The following PRKN variants were observed in gnomAD, a reference collection of about 807,000 sequenced individuals.
PRKN encodes the protein E3 ubiquitin-protein ligase parkin.
In PRKN, 56 loss-of-function variants were observed where a neutral mutation model predicts 59.5. That is an observed-to-expected ratio of 0.94 (90% CI 0.76 to 1.18). PRKN has a LOEUF of 1.18. Ranked by LOEUF, PRKN falls within the 50% of genes most tolerant of loss-of-function variation. PRKN has a pLI of 0.00. For missense variants in PRKN, 657 were observed against 596.4 expected (o/e 1.10, Z -1.06); for synonymous variants, 250 against 222.1 (o/e 1.13, Z -1.12).
Position 161,895,520 on chromosome 6 carries a change from C to CTCTTTTTCA in PRKN, c.734+77781_734+77782insTGAAAAAGA, listed in dbSNP as rs1416297387. 1.4e-3 allele frequency among the ~76,000 whole-genome samples: 184 copies of CTCTTTTTCA among 127,660 alleles called. 5 individuals carry two copies. The highest frequency in any genetic ancestry group is 7.5e-3 in the Middle Eastern group (2 of 266). The allele number at this position is 127,660 out of a possible 152,430, so 83.7% of individuals were successfully genotyped here. A position where few individuals can be genotyped will look rare whatever the true frequency, so the allele number is the denominator to read the frequency against. The stretch of plus-strand genomic sequence containing the variant: ...TACGCCCACCCCACCTGCCGTTATG[C>CTCTTTTTCA]CCCCCAGTGAGGCTTCTGAGATTCA... On this transcript the variant is annotated intron_variant, in intron 6 of 11. Transcript: ENST00000366898.
chr6:161,868,952 T>C (rs1224232894), intron 6 of PRKN, among the ~76,000 whole-genome samples: 2 of 152,182 alleles, frequency 1.3e-5, no homozygotes, highest in African/African-American at 4.8e-5. Flanking sequence ...TTAAAAATTG[T>C]TATGGTCCAG....
At chr6:161,394,354 ACCC>A (rs1786651540) in intron 9 of PRKN, among the ~76,000 whole-genome samples, 1 of 152,170 alleles carries the variant, frequency 6.6e-6, no homozygotes, top group African/African-American at 2.4e-5. Context: ...TCTGTAGAGT[ACCC>A]ACGTTCCTTT....
intron 1 of PRKN, among the ~76,000 whole-genome samples, chr6:162,618,194 G>A (rs1392421865): frequency 6.6e-6 from 1 of 152,030 alleles, no homozygotes; most frequent in African/African-American, 2.4e-5. Flanking sequence ...GAATAGGAAT[G>A]ATATTCAGGA....
intron 7 of PRKN, among the ~76,000 whole-genome samples, chr6:161,574,705 A>G (rs957083932): frequency 6.6e-6 from 1 of 152,212 alleles, no homozygotes; most frequent in Non-Finnish European, 1.5e-5. Flanking sequence ...AGACTATAAT[A>G]GAAGTGTTTG....
At chr6:162,542,056 T>A (rs1480222821) in intron 1 of PRKN, among the ~76,000 whole-genome samples, 1 of 152,066 alleles carries the variant, frequency 6.6e-6, no homozygotes, top group Non-Finnish European at 1.5e-5. Flanking sequence ...ACTGCAGAAG[T>A]GATATTACAG....
chr6:161,438,815 A>C (rs1299959029), intron 9 of PRKN, among the ~76,000 whole-genome samples: 1 of 152,292 alleles, frequency 6.6e-6, no homozygotes, highest in East Asian at 1.9e-4. Flanking sequence ...GCTTAGGAAA[A>C]TTAACATACA....
intron 1 of PRKN, among the ~76,000 whole-genome samples, chr6:162,680,961 A>T (rs1009286415): frequency 1.3e-5 from 2 of 152,200 alleles, no homozygotes; most frequent in African/African-American, 4.8e-5. Context: ...TTCAAGCCTC[A>T]CTTTCAAGTA....
At chr6:161,693,484 C>T (rs1450569430) in intron 7 of PRKN, among the ~76,000 whole-genome samples, 3 of 152,018 alleles carry the variant, frequency 2.0e-5, no homozygotes, top group Non-Finnish European at 2.9e-5. Context: ...AAAGAGATAC[C>T]CAAAATTATG....
chr6:162,198,961 A>G (rs183715339), intron 4 of PRKN, among the ~76,000 whole-genome samples: 6 of 152,306 alleles, frequency 3.9e-5, no homozygotes, highest in African/African-American at 1.4e-4. Flanking sequence ...ATATTATTAA[A>G]TGAGAAATCC....
At chr6:162,622,039 C>G (rs577439288) in intron 1 of PRKN, among the ~76,000 whole-genome samples, 1 of 152,196 alleles carries the variant, frequency 6.6e-6, no homozygotes, top group African/African-American at 2.4e-5. Context: ...TCTTGAACTC[C>G]TAACCTCAAG....
intron 1 of PRKN, among the ~76,000 whole-genome samples, chr6:162,510,038 G>A (rs1777525885): frequency 6.6e-6 from 1 of 152,184 alleles, no homozygotes; most frequent in Non-Finnish European, 1.5e-5. Flanking sequence ...AAGGAACACA[G>A]TGATTTAGGT....
chr6:161,778,786 G>A (rs1236506152), intron 7 of PRKN, among the ~76,000 whole-genome samples: 1 of 152,086 alleles, frequency 6.6e-6, no homozygotes, highest in Non-Finnish European at 1.5e-5. Flanking sequence ...TGTTGTCAGG[G>A]GCTGTGCTGC....
In PRKN at chr6:161,547,292, G is replaced by T. The variant is rs1779829729; in HGVS notation, c.1083+1562C>A. Among the ~76,000 whole-genome samples the T allele has an allele frequency of 6.6e-6, 1 of 152,136 alleles. No individual in the cohort carries two copies. ...TAACTATCCTCCTTTAAGTAAAGTT[G>T]CCTGCAGACTCTTTTAATCCAAAGA... On this transcript the variant is annotated intron_variant, in intron 9 of 11. Transcript: ENST00000366898. This position sits in a 1 kb window ranked among gnomAD's most constrained non-coding sequence, Gnocchi z 4.0.
intron 2 of PRKN, among the ~76,000 whole-genome samples, chr6:162,402,618 T>C (rs1787849970): frequency 6.6e-6 from 1 of 151,838 alleles, no homozygotes; most frequent in Non-Finnish European, 1.5e-5. Context: ...AGTAGGGGTT[T>C]GTGTCTTTCC....
chr6:162,657,474 T>C (rs926609049), intron 1 of PRKN, among the ~76,000 whole-genome samples: 1 of 152,102 alleles, frequency 6.6e-6, no homozygotes, highest in Admixed American at 6.6e-5. Flanking sequence ...CATTTAATAA[T>C]TCCAACAATT....
chr6:162,078,783 T>C (rs1778936279), intron 4 of PRKN, among the ~76,000 whole-genome samples: 1 of 151,998 alleles, frequency 6.6e-6, no homozygotes, highest in Non-Finnish European at 1.5e-5. Context: ...GTTCTCCTGG[T>C]GTGAATAAGA....
chr6:162,324,919 T>C (rs1783196144), intron 2 of PRKN, among the ~76,000 whole-genome samples: 1 of 125,960 alleles, frequency 7.9e-6, no homozygotes. Flanking sequence ...AACTTTTGCA[T>C]CTGATGTAAA....
rs539506113 is a variant in PRKN at position 162,660,316 on chromosome 6, C to T, written c.7+67346G>A. Among the ~76,000 whole-genome samples the T allele has an allele frequency of 2.0e-5, 3 of 152,168 alleles. No homozygotes were observed. The South Asian group carries it at 6.2e-4, about 32-fold the overall frequency. On this transcript the variant is annotated intron_variant, in intron 1 of 11. Transcript: ENST00000366898. ...CTGGTTCTTGCTAAATGATTCAGTC[C>T]AGCTCCTTATGAAAGCATGCAAGAG...
chr6:161,845,897 C>G (rs560016554), intron 6 of PRKN, among the ~76,000 whole-genome samples: 1 of 152,226 alleles, frequency 6.6e-6, no homozygotes, highest in African/African-American at 2.4e-5. Flanking sequence ...CAATCCGACA[C>G]GAAGAGGTGT....
Sources: gnomAD v4.1 joint callset for allele counts (sites outside exome capture counted in the v4.1 genomes callset) on GRCh38, gnomAD v4.1.1 for gene constraint, Gnocchi (gnomAD v3.1) non-coding constraint, MANE v1.5 for transcripts, NCBI Gene and HGNC (gene_info 2026-07-23, HGNC 2026-07-21) for gene names.